The following SLC52A3 variants were observed in gnomAD, a reference collection of about 807,000 sequenced individuals.
SLC52A3 encodes solute carrier family 52, riboflavin transporter, member 3.
SLC52A3 carries 20 observed loss-of-function variants against 29.5 expected under a neutral mutation model. The ratio of observed to expected loss-of-function variants is 0.68; its 90% CI spans 0.48 to 0.99. The LOEUF (loss-of-function observed/expected upper bound fraction) is 0.99. Ranked by LOEUF, SLC52A3 falls within the 50% of genes least tolerant of loss-of-function variation. The probability of loss-of-function intolerance (pLI) is 0.00; values close to 1 mark genes in which losing one functional copy is unlikely to be tolerated. For missense variants in SLC52A3, 548 were observed against 612.9 expected (o/e 0.89, Z 1.12); for synonymous variants, 301 against 271.0 (o/e 1.11, Z -1.09).
At chr20:779,031 A>G (rs1987143326), upstream of SLC52A3, among the ~76,000 whole-genome samples, 1 of 152,214 alleles carries the variant, frequency 6.6e-6, no homozygotes, top group Non-Finnish European at 1.5e-5. Flanking sequence ...AGGCAGCTAT[A>G]TCTTGAACTA....
upstream of SLC52A3, among the ~76,000 whole-genome samples, chr20:778,025 T>C (rs900858842): frequency 6.6e-6 from 1 of 151,982 alleles, no homozygotes; most frequent in Non-Finnish European, 1.5e-5. Flanking sequence ...TTTTTTTTTT[T>C]TTTTTTAAGA....
upstream of SLC52A3, among the ~76,000 whole-genome samples, chr20:778,361 A>G (rs1049373116): frequency 1.3e-5 from 2 of 152,020 alleles, no homozygotes; most frequent in African/African-American, 4.8e-5. Context: ...TATTTACCAT[A>G]CAATAATTCT....
In SLC52A3 at chr20:761,957, G is replaced by A. The variant is rs975981433; in HGVS notation, c.1074-133C>T. On this transcript the variant is annotated intron_variant, in intron 3 of 4. Coordinates refer to ENST00000645534, the MANE Select transcript of SLC52A3 (RefSeq NM_033409.4). ...CCATGTGGAAAATTCCAGGTTGCCT[G>A]GCTCAAGTGGGTCAGGGAGGCTCCT... 3.7e-6 allele frequency: 5 copies of A among 1,356,640 alleles called. No homozygotes were observed. In the African/African-American group the frequency reaches 5.8e-5, roughly 16 times the overall value. The allele number at this position is 1,356,640 out of a possible 1,614,324, so 84.0% of individuals were successfully genotyped here.
intron 1 of SLC52A3, among the ~76,000 whole-genome samples, chr20:775,377 C>T (rs557791568): frequency 2.0e-5 from 3 of 151,732 alleles, no homozygotes; most frequent in East Asian, 3.9e-4. Context: ...CTGGCTCATG[C>T]GATTCTCCCA....
At position 760,761 on chromosome 20, in the gene SLC52A3, C is replaced by G. The variant is rs1377976749; in HGVS notation, c.*265G>C. ...CTAACACCCTTGGGCCTGCCTCCAG[C>G]TAGATGCTGCAAATCAGTCCTCTCT... On this transcript the variant is annotated 3_prime_UTR_variant, in exon 5 of 5. Coordinates refer to ENST00000645534, the MANE Select transcript of SLC52A3 (RefSeq NM_033409.4). The surrounding 1 kb of genome is among the most constrained non-coding windows in gnomAD (Gnocchi z 4.9). The G allele has an allele frequency of 1.7e-5, 9 of 536,022 alleles. No homozygotes were observed. The highest frequency in any genetic ancestry group is 3.0e-5 in the Non-Finnish European group (9 of 300,750). The allele number at this position is 536,022 out of a possible 1,614,324, so 33.2% of individuals were successfully genotyped here.
chr20:769,403 C>A (rs1840505876), upstream of SLC52A3, among the ~76,000 whole-genome samples: 1 of 152,200 alleles, frequency 6.6e-6, no homozygotes, highest in South Asian at 2.1e-4. Context: ...TCAACCCTTA[C>A]AAGCTGAGCA....
In SLC52A3 at chr20:761,100, G is replaced by A. The variant is rs1986450964; in HGVS notation, c.1336C>T (p.Leu446Phe). The change falls in exon 5 of 5, where the codon CTC becomes TTC. Residue 446 changes from leucine (L) to phenylalanine (F), a missense_variant. This residue lies in a region of SLC52A3 where 173 missense variants were observed against 141.8 expected (regional missense o/e 1.22). Transcript: ENST00000645534. ...AGCACGTTGACCAGAGGGAACATGA[G>A]CAGCGCTCCGAGCAGCGAGCCCAGC... is the stretch of plus-strand genomic sequence containing the variant. Reference protein sequence around the residue: ...VQLGSLLGALLMFPLVNVLRL... With the variant: ...VQLGSLLGALFMFPLVNVLRL... 1.2e-6 allele frequency: 2 copies of A among 1,607,472 alleles called. No homozygotes were observed. Among genetic ancestry groups the A allele is most frequent in the Non-Finnish European group, 1.7e-6 (2 of 1,177,662 alleles).
In SLC52A3 at chr20:765,021, T is replaced by A. The variant is rs1216542548; in HGVS notation, c.567+187A>T. On this transcript the variant is annotated intron_variant, in intron 2 of 4. Transcript: ENST00000645534. The surrounding 1 kb of genome is among the most constrained non-coding windows in gnomAD (Gnocchi z 6.6). ...TCTGGCCCTTTTTTGAGTCTCATAT[T>A]TTTTGGGGACTCCCATGCGTATGTA... is the stretch of plus-strand genomic sequence containing the variant. Among the ~76,000 whole-genome samples the A allele has an allele frequency of 6.6e-6, 1 of 152,210 alleles. No individual in the cohort carries two copies. The highest frequency in any genetic ancestry group is 1.5e-5 in the Non-Finnish European group (1 of 68,034).
chr20:774,898 G>A (rs990214666), intron 1 of SLC52A3, among the ~76,000 whole-genome samples: 17 of 152,360 alleles, frequency 1.1e-4, no homozygotes, highest in Admixed American at 5.9e-4. Flanking sequence ...CACCGGCTGT[G>A]CAACCTCAGG....
At chr20:777,439 A>T (rs996663518), upstream of SLC52A3, among the ~76,000 whole-genome samples, 2 of 152,160 alleles carry the variant, frequency 1.3e-5, no homozygotes, top group African/African-American at 4.8e-5. Context: ...TTCTTTCCCC[A>T]GCCTGATGGC....
At chr20:761,287 G>T (rs777394360) in intron 4 of SLC52A3, 49 bp from the exon 5 acceptor site, 2 of 1,494,586 alleles carry the variant, frequency 1.3e-6, no homozygotes, top group Non-Finnish European at 9.0e-7. Flanking sequence ...CTTGCGGGGC[G>T]AGCGCCGGAG....
At chr20:761,574 A>G in intron 4 of SLC52A3, 127 bp downstream of exon 4, 1 of 1,442,728 alleles carries the variant, frequency 6.9e-7, no homozygotes, top group African/African-American at 1.4e-5. Context: ...CGCTTCCCCC[A>G]CCTGGGGCTT....
At chr20:775,847 T>C (rs1987001271) in intron 1 of SLC52A3, 1 of 152,302 alleles carries the variant, frequency 6.6e-6, no homozygotes, top group African/African-American at 2.4e-5. Flanking sequence ...TCCAGATAAG[T>C]GCCCCTGCCA....
intron 2 of SLC52A3, 115 bp from the exon 3 acceptor site, chr20:764,118 A>C: frequency 8.9e-7 from 1 of 1,122,410 alleles, no homozygotes. Flanking sequence ...ATAATGAATA[A>C]ATAAACATAA....
chr20:767,550 T>C (rs1032754185), intron 1 of SLC52A3, among the ~76,000 whole-genome samples: 2 of 151,930 alleles, frequency 1.3e-5, no homozygotes, highest in Non-Finnish European at 2.9e-5. Flanking sequence ...AGAGATGGGG[T>C]TTCTCCGTGT....
intron 3 of SLC52A3, 79 bp downstream of exon 3, chr20:763,419 A>G (rs1298768380): frequency 1.3e-6 from 2 of 1,585,522 alleles, no homozygotes; most frequent in East Asian, 2.2e-5. Flanking sequence ...TGTACAGCCC[A>G]GTAGGTGCGT....
chr20:773,229 T>C (rs1986902175), upstream of SLC52A3, among the ~76,000 whole-genome samples: 1 of 152,108 alleles, frequency 6.6e-6, no homozygotes, highest in African/African-American at 2.4e-5. Context: ...GAGCTAACAA[T>C]CACCATGACA....
At position 765,705 on chromosome 20, in the gene SLC52A3, AGAGCCCATTGATGGTCACCCAG is replaced by A; in HGVS notation, c.48_69del (p.Trp17GlyfsTer2). The A allele has an allele frequency of 6.2e-7, 1 of 1,613,770 alleles. No individual in the cohort carries two copies. ...ATCACCAGCAGGGGCAGCTCTACCCAGAGCCCATTGATGGTCACCCAGGAGCCCATTCCGAAGACGCAGACCA... is the reference window on the plus strand; with the variant it reads ...ATCACCAGCAGGGGCAGCTCTACCCAGAGCCCATTCCGAAGACGCAGACCA... On this transcript the variant is annotated frameshift_variant, in exon 2 of 5. Transcript: ENST00000645534. LOFTEE classifies it high-confidence loss of function. The surrounding 1 kb of genome is among the most constrained non-coding windows in gnomAD (Gnocchi z 6.6).
chr20:774,665 G>T (rs986396994), intron 1 of SLC52A3, among the ~76,000 whole-genome samples: 1 of 152,130 alleles, frequency 6.6e-6, no homozygotes, highest in East Asian at 1.9e-4. Flanking sequence ...CAGCTGGGGC[G>T]CTGGGAGCCT....
Sources: gnomAD v4.1 joint callset for allele counts (sites outside exome capture counted in the v4.1 genomes callset) on GRCh38, gnomAD v4.1.1 for gene constraint, gnomAD v4.1.1 regional missense constraint, Gnocchi (gnomAD v3.1) non-coding constraint, MANE v1.5 for transcripts, NCBI Gene and HGNC (gene_info 2026-07-23, HGNC 2026-07-21) for gene names.